The following FGGY variants were observed in gnomAD, a reference collection of about 807,000 sequenced individuals.
FGGY encodes FGGY carbohydrate kinase domain containing, also known as FGGY carbohydrate kinase domain-containing protein.
Under a neutral mutation model 71.3 loss-of-function variants are expected in FGGY, and 72 were observed. The observed-to-expected ratio is 1.01, with a 90% CI of 0.84 to 1.23. The LOEUF (loss-of-function observed/expected upper bound fraction) is 1.23, where lower values mean the gene tolerates loss of function less well. Ranked by LOEUF, FGGY falls within the 50% of genes most tolerant of loss-of-function variation. The pLI is 0.00. For missense variants in FGGY, 668 were observed against 682.3 expected, an observed-to-expected ratio of 0.98 and a Z score of 0.23; for synonymous variants, 251 against 250.3, an observed-to-expected ratio of 1.00 and a Z score of -0.02.
chr1:59,348,729 G>C (rs75597339), intron 4 of FGGY, among the ~76,000 whole-genome samples: 3,713 of 152,254 alleles, frequency 0.024, 172 homozygotes, highest in African/African-American at 0.085. Context: ...TAGGAAAGAA[G>C]GGCTTCAGCA....
rs114021262 is a variant in FGGY, at chr1:59,487,259, C to A, written c.671-25052C>A. Among the ~76,000 whole-genome samples, 515 of 152,302 alleles carry A rather than the reference C, an allele frequency of 3.4e-3. 3 individuals are homozygous for A. Among genetic ancestry groups the A allele is most frequent in the African/African-American group, 0.012 (480 of 41,562 alleles). ...TTGCATTATTTATATTGTTTAATTT[C>A]TCTCTGCATCTCCTTCATTTGCTTC... On this transcript the variant is annotated intron_variant, in intron 6 of 15. Coordinates refer to ENST00000303721, the MANE Select transcript of FGGY (RefSeq NM_018291.5).
chr1:59,665,942 G>A (rs2097321071), intron 12 of FGGY, among the ~76,000 whole-genome samples: 1 of 152,100 alleles, frequency 6.6e-6, no homozygotes, highest in Non-Finnish European at 1.5e-5. Flanking sequence ...CAAAGTGCTG[G>A]GATTACAGGC....
chr1:59,385,688 A>C (rs1186140299), intron 5 of FGGY, among the ~76,000 whole-genome samples: 2 of 152,172 alleles, frequency 1.3e-5, no homozygotes, highest in Non-Finnish European at 2.9e-5. Flanking sequence ...TAATATAAGA[A>C]AAAGTCGTAC....
chr1:59,711,823 C>G (rs567270725), intron 14 of FGGY, among the ~76,000 whole-genome samples: 1 of 152,294 alleles, frequency 6.6e-6, no homozygotes, highest in Admixed American at 6.5e-5. Flanking sequence ...GTCCCTCCCA[C>G]AGCATGGGGG....
intron 1 of FGGY, among the ~76,000 whole-genome samples, chr1:59,307,284 A>AGC (rs953914511): frequency 2.8e-5 from 4 of 144,528 alleles, no homozygotes; most frequent in Admixed American, 7.1e-5. Context: ...ACTACACTCC[A>AGC]GCCTGGGTGA....
chr1:59,479,880 TTTG>T (rs1413865363), intron 6 of FGGY, among the ~76,000 whole-genome samples: 1 of 152,140 alleles, frequency 6.6e-6, no homozygotes, highest in Non-Finnish European at 1.5e-5. Flanking sequence ...GGGTTGTTCT[TTTG>T]TTTTATTAAT....
intron 14 of FGGY, among the ~76,000 whole-genome samples, chr1:59,674,958 T>C (rs575360236): frequency 2.3e-4 from 35 of 152,338 alleles, no homozygotes; most frequent in African/African-American, 7.9e-4. Context: ...TTCTCTGTAC[T>C]TCCACTCCTT....
At chr1:59,438,171 T>C (rs2068922428) in intron 5 of FGGY, among the ~76,000 whole-genome samples, 1 of 152,192 alleles carries the variant, frequency 6.6e-6, no homozygotes, top group African/African-American at 2.4e-5. Flanking sequence ...TTACCACCAT[T>C]GTAGATGTGA....
At chr1:59,453,396 G>A (rs1394035101) in intron 5 of FGGY, among the ~76,000 whole-genome samples, 2 of 152,176 alleles carry the variant, frequency 1.3e-5, no homozygotes, top group Non-Finnish European at 2.9e-5. Flanking sequence ...ATGCTGTGAA[G>A]TGTTGAGTTT....
intron 5 of FGGY, among the ~76,000 whole-genome samples, chr1:59,447,766 G>A (rs1275189688): frequency 6.6e-6 from 1 of 152,136 alleles, no homozygotes; most frequent in Non-Finnish European, 1.5e-5. Context: ...TGATGGTGTG[G>A]CCTCCCCAGC....
At chr1:59,444,528 A>G (rs1281339215) in intron 5 of FGGY, among the ~76,000 whole-genome samples, 2 of 152,100 alleles carry the variant, frequency 1.3e-5, no homozygotes, top group East Asian at 1.9e-4. Context: ...ATACCACTGT[A>G]GGATGACTAG....
At chr1:59,403,207 A>G (rs2062214401) in intron 5 of FGGY, among the ~76,000 whole-genome samples, 1 of 152,188 alleles carries the variant, frequency 6.6e-6, no homozygotes, top group Non-Finnish European at 1.5e-5. Context: ...TTTAAATTAA[A>G]TTACTTTTTT....
chr1:59,482,348 C>G (rs1205005664), intron 6 of FGGY, among the ~76,000 whole-genome samples: 1 of 152,050 alleles, frequency 6.6e-6, no homozygotes, highest in Non-Finnish European at 1.5e-5. Context: ...TAAAATGAAG[C>G]CTGTAGCCTT....
chr1:59,728,807 C>A (rs1175037860), intron 14 of FGGY, among the ~76,000 whole-genome samples: 1 of 152,054 alleles, frequency 6.6e-6, no homozygotes, highest in African/African-American at 2.4e-5. Flanking sequence ...TGGCTTCTTT[C>A]AAAATTCCCT....
At chr1:59,381,478 A>G (rs1456839504) in intron 5 of FGGY, among the ~76,000 whole-genome samples, 1 of 152,090 alleles carries the variant, frequency 6.6e-6, no homozygotes, top group Non-Finnish European at 1.5e-5. Flanking sequence ...TGAGATACAA[A>G]CATACACATT....
chr1:59,385,962 T>C (rs1445075147), intron 5 of FGGY, among the ~76,000 whole-genome samples: 1 of 152,166 alleles, frequency 6.6e-6, no homozygotes, highest in Admixed American at 6.5e-5. Context: ...GTAGACAATA[T>C]AAATTATTTA....
At chr1:59,500,663 C>CAAAAAAAAAAAAAAAA (rs922111998) in intron 6 of FGGY, among the ~76,000 whole-genome samples, 1 of 44,774 alleles carries the variant, frequency 2.2e-5, no homozygotes, top group Non-Finnish European at 4.0e-5. Context: ...GCCTTCTTGC[C>CAAAAAAAAAAAAAAAA]AAAAAAAAAA....
chr1:59,445,835 G>A (rs7550165), intron 5 of FGGY, among the ~76,000 whole-genome samples: 2,239 of 152,242 alleles, frequency 0.015, 58 homozygotes, highest in African/African-American at 0.052. Context: ...GTAATGTTTT[G>A]TAAATATCTT....
rs537722385 is a variant in FGGY at position 59,507,593 on chromosome 1, T to C, written c.671-4718T>C. On this transcript the variant is annotated intron_variant, in intron 6 of 15. Transcript: ENST00000303721. ...GTGCAGTGGCGCAATCTCGGCTTAC[T>C]GCAACCTCTGCCTTCCTGGGTTCAA... is the stretch of plus-strand genomic sequence containing the variant. Among the ~76,000 whole-genome samples, 6 of 152,170 alleles carry C rather than the reference T, an allele frequency of 3.9e-5. No individual in the cohort carries two copies. The South Asian group carries it at 6.2e-4, about 16-fold the overall frequency.
Sources: gnomAD v4.1 joint callset for allele counts (sites outside exome capture counted in the v4.1 genomes callset) on GRCh38, gnomAD v4.1.1 for gene constraint, MANE v1.5 for transcripts, NCBI Gene and HGNC (gene_info 2026-07-23, HGNC 2026-07-21) for gene names.